Variants in ICA1 observed in about 807,000 individuals in gnomAD.
The protein encoded by ICA1 is islet cell autoantigen 1, also known as 69 kDa islet cell autoantigen.
A neutral mutation model predicts 71.0 loss-of-function variants in ICA1; 40 were observed. The ratio of observed to expected loss-of-function variants is 0.56; its 90% confidence interval spans 0.44 to 0.73. The LOEUF is 0.73. ICA1 is among the 30% of genes least tolerant of loss of function. ICA1 has a pLI of 0.00. For synonymous variants in ICA1, 207 were observed against 209.5 expected (o/e 0.99, Z 0.10); for missense variants, 578 against 576.5 (o/e 1.00, Z -0.03).
In ICA1 at chr7:8,114,019, C is replaced by G; in HGVS notation, c.1356G>C (p.Leu452=). 1 of 1,614,112 alleles carries G rather than the reference C, an allele frequency of 6.2e-7. No individual in the cohort carries two copies. The highest frequency in any genetic ancestry group is 1.3e-5 in the African/African-American group (1 of 75,032). The change falls in exon 14 of 14, where the codon CTG becomes CTC. Residue 452 remains leucine (L), a synonymous_variant. Transcript: ENST00000402384. ...CAGCGAAGAGGCTGAACCAGGCAGTCAGGTCTGAGGCAGCCTTAGCAGGTT... is the reference window on the plus strand; with the variant it reads ...CAGCGAAGAGGCTGAACCAGGCAGTGAGGTCTGAGGCAGCCTTAGCAGGTT... ...LQEPAKAASD[L]TAWFSLFADL... is the part of the protein sequence containing the mutation.
At chr7:8,256,397 T>C (rs1472552041) in intron 1 of ICA1, among the ~76,000 whole-genome samples, 2 of 152,024 alleles carry the variant, frequency 1.3e-5, no homozygotes, top group Non-Finnish European at 2.9e-5. Context: ...CACCCTCCGA[T>C]AGAACTATTC....
chr7:8,245,108 C>G (rs187370123), intron 1 of ICA1, among the ~76,000 whole-genome samples: 1 of 152,294 alleles, frequency 6.6e-6, no homozygotes, highest in Admixed American at 6.5e-5. Flanking sequence ...GACACATGCA[C>G]ACGTATGTTT....
Position 8,132,023 on chromosome 7 carries a change from C to A in ICA1, c.1061-3881G>T, listed in dbSNP as rs116429326. On this transcript the variant is annotated intron_variant, in intron 12 of 13. Transcript: ENST00000402384. This position sits in a 1 kb window ranked among gnomAD's most constrained non-coding sequence, Gnocchi z 4.5. ...TTGAGGATCTCTCAGGTGCCAAACC[C>A]ACAGATGCTACACCAAGTTCCCTTC... Among the ~76,000 whole-genome samples, 1,008 of 152,306 alleles carry A rather than the reference C, an allele frequency of 6.6e-3. 22 individuals carry two copies. Among genetic ancestry groups the A allele is most frequent in the African/African-American group, 0.023 (974 of 41,552 alleles).
At chr7:8,201,869 G>A (rs1789824404) in intron 6 of ICA1, among the ~76,000 whole-genome samples, 1 of 152,086 alleles carries the variant, frequency 6.6e-6, no homozygotes, top group African/African-American at 2.4e-5. Context: ...ACATTCCTAG[G>A]GCTGAGGAAG....
chr7:8,137,660 T>C (rs1793869747), intron 12 of ICA1, among the ~76,000 whole-genome samples: 1 of 152,264 alleles, frequency 6.6e-6, no homozygotes, highest in African/African-American at 2.4e-5. Context: ...TATAAATGAT[T>C]AGTCATTTTG....
intron 1 of ICA1, among the ~76,000 whole-genome samples, chr7:8,243,394 C>T (rs1027688903): frequency 1.3e-5 from 2 of 152,094 alleles, no homozygotes; most frequent in African/African-American, 4.8e-5. Context: ...TCTCAATAAA[C>T]TAGGTATTGA....
intron 3 of ICA1, among the ~76,000 whole-genome samples, chr7:8,229,384 C>T (rs1583508771): frequency 6.6e-6 from 1 of 152,296 alleles, no homozygotes; most frequent in East Asian, 1.9e-4. Context: ...GTGGCGGTTC[C>T]AGCCTTTGTT....
intron 6 of ICA1, among the ~76,000 whole-genome samples, chr7:8,203,413 C>T (rs1256277795): frequency 2.0e-5 from 3 of 152,092 alleles, no homozygotes; most frequent in African/African-American, 7.2e-5. Flanking sequence ...TAAAATAGAG[C>T]AAAATTGCCT....
At chr7:8,214,499 T>C (rs946243501) in intron 6 of ICA1, among the ~76,000 whole-genome samples, 1 of 152,178 alleles carries the variant, frequency 6.6e-6, no homozygotes, top group Admixed American at 6.5e-5. Context: ...CCTTTTCCTA[T>C]TATGTATTTG....
intron 5 of ICA1, 127 bp from the exon 6 acceptor site, chr7:8,218,630 T>C (rs1796115872): frequency 2.7e-6 from 2 of 731,710 alleles, no homozygotes; most frequent in Admixed American, 2.2e-5. Context: ...GCTCCATCAA[T>C]ATTTGCTGAA....
chr7:8,253,066 A>G (rs1166980080), intron 1 of ICA1, among the ~76,000 whole-genome samples: 1 of 152,222 alleles, frequency 6.6e-6, no homozygotes, highest in Admixed American at 6.5e-5. Flanking sequence ...AGAATGTTTT[A>G]AATTATATAT....
At chr7:8,133,329 C>G (rs937335460) in intron 12 of ICA1, among the ~76,000 whole-genome samples, 1 of 152,194 alleles carries the variant, frequency 6.6e-6, no homozygotes, top group African/African-American at 2.4e-5. Flanking sequence ...GAGTCTCACT[C>G]TGTCATCCAG....
At chr7:8,152,785 T>TCTC (rs1799736039) in intron 8 of ICA1, among the ~76,000 whole-genome samples, 1 of 81,598 alleles carries the variant, frequency 1.2e-5, no homozygotes, top group Non-Finnish European at 2.6e-5. Context: ...ACTATCACCA[T>TCTC]CACCATCACC....
intron 12 of ICA1, among the ~76,000 whole-genome samples, chr7:8,137,105 T>C (rs939551993): frequency 6.6e-6 from 1 of 151,782 alleles, no homozygotes; most frequent in African/African-American, 2.4e-5. Context: ...ATTTGCTGTG[T>C]CTGGGTAAAC....
chr7:8,146,621 G>A (rs374020146), intron 8 of ICA1, among the ~76,000 whole-genome samples: 5 of 151,902 alleles, frequency 3.3e-5, no homozygotes, highest in African/African-American at 1.2e-4. Flanking sequence ...GATACAAAGG[G>A]CAGTGTCAGG....
At chr7:8,238,186 A>G (rs1255699117) in intron 1 of ICA1, among the ~76,000 whole-genome samples, 1 of 152,170 alleles carries the variant, frequency 6.6e-6, no homozygotes, top group Non-Finnish European at 1.5e-5. Context: ...GCTGGATTAT[A>G]CAGTTCTCTA....
At chr7:8,164,545 A>G (rs1206226692) in intron 6 of ICA1, among the ~76,000 whole-genome samples, 2 of 151,950 alleles carry the variant, frequency 1.3e-5, no homozygotes, top group African/African-American at 4.8e-5. Context: ...AGCCAGTTCT[A>G]CTCACATCAA....
chr7:8,166,231 G>T (rs1022876432), intron 6 of ICA1, among the ~76,000 whole-genome samples: 1 of 152,020 alleles, frequency 6.6e-6, no homozygotes, highest in South Asian at 2.1e-4. Flanking sequence ...ACTTCTTAGG[G>T]CTAGATTTCT....
intron 8 of ICA1, among the ~76,000 whole-genome samples, chr7:8,150,906 T>C (rs2160033): frequency 0.38 from 57,639 of 152,084 alleles, 12,602 homozygotes; most frequent in Middle Eastern, 0.52. Flanking sequence ...GGCAGGAGCA[T>C]CCCAATTCCC....
Sources: gnomAD v4.1 joint callset for allele counts (sites outside exome capture counted in the v4.1 genomes callset) on GRCh38, gnomAD v4.1.1 for gene constraint, Gnocchi (gnomAD v3.1) non-coding constraint, MANE v1.5 for transcripts, NCBI Gene and HGNC (gene_info 2026-07-23, HGNC 2026-07-21) for gene names.